The following SPON1 variants were observed in gnomAD, a reference collection of about 807,000 sequenced individuals.
SPON1 encodes spondin-1.
In SPON1, 52 loss-of-function variants were observed where a neutral mutation model predicts 111.7. That is an observed-to-expected ratio of 0.47 (90% confidence interval 0.37 to 0.59). The LOEUF (loss-of-function observed/expected upper bound fraction) is 0.59. Ranked by LOEUF, SPON1 falls within the 20% of genes least tolerant of loss-of-function variation. SPON1 has a pLI of 0.00. For synonymous variants in SPON1, 410 were observed against 395.8 expected, an observed-to-expected ratio of 1.04 and a Z score of -0.43; for missense variants, 957 against 1,068.5, an observed-to-expected ratio of 0.90 and a Z score of 1.46.
chr11:14,226,677 G>T (rs575621191), intron 6 of SPON1, among the ~76,000 whole-genome samples: 104 of 152,324 alleles, frequency 6.8e-4, no homozygotes, highest in Admixed American at 2.9e-3. Flanking sequence ...AATCAAAAAG[G>T]CAAGCAGGGC....
At chr11:14,239,865 CG>C (rs1848906735) in intron 6 of SPON1, among the ~76,000 whole-genome samples, 1 of 152,146 alleles carries the variant, frequency 6.6e-6, no homozygotes, top group African/African-American at 2.4e-5. Context: ...GATAGTATCC[CG>C]TGTGCCCTAA....
chr11:14,200,584 G>A (rs972771343), intron 6 of SPON1, among the ~76,000 whole-genome samples: 3 of 152,048 alleles, frequency 2.0e-5, no homozygotes, highest in African/African-American at 7.2e-5. Flanking sequence ...GAGAGGCAGA[G>A]GTGGACAGAT....
intron 3 of SPON1, among the ~76,000 whole-genome samples, chr11:14,060,079 T>G (rs2133822688): frequency 6.6e-6 from 1 of 152,324 alleles, no homozygotes; most frequent in African/African-American, 2.4e-5. Context: ...ATTTAGGGTT[T>G]GCAGAGCACC....
chr11:14,043,761 G>A (rs1564892282), intron 3 of SPON1, among the ~76,000 whole-genome samples: 2 of 152,150 alleles, frequency 1.3e-5, no homozygotes, highest in Non-Finnish European at 2.9e-5. Flanking sequence ...GATCTTTTTG[G>A]TGGAAGCCAG....
intron 5 of SPON1, among the ~76,000 whole-genome samples, chr11:14,090,735 A>G (rs1186097884): frequency 2.0e-5 from 3 of 150,640 alleles, no homozygotes; most frequent in African/African-American, 7.4e-5. Flanking sequence ...GATTTATTGC[A>G]AAGAGCAAAA....
chr11:14,160,295 T>A (rs1349232997), intron 6 of SPON1, among the ~76,000 whole-genome samples: 1 of 103,978 alleles, frequency 9.6e-6, no homozygotes, highest in African/African-American at 3.4e-5. Context: ...GTTGAAAATA[T>A]CACTAAGTCA....
intron 5 of SPON1, among the ~76,000 whole-genome samples, chr11:14,094,990 G>A (rs1849087295): frequency 6.6e-6 from 1 of 152,202 alleles, no homozygotes; most frequent in African/African-American, 2.4e-5. Flanking sequence ...TGGATGCGGA[G>A]GAGTAAGAGA....
At chr11:14,113,082 C>T (rs1029612014) in intron 5 of SPON1, among the ~76,000 whole-genome samples, 1 of 152,156 alleles carries the variant, frequency 6.6e-6, no homozygotes, top group South Asian at 2.1e-4. Context: ...CCTTTATTTC[C>T]CTCCAAGGGA....
intron 6 of SPON1, among the ~76,000 whole-genome samples, chr11:14,141,029 C>CCCCCCCCCCCCCCCCCCCA (rs71041572): frequency 7.6e-6 from 1 of 132,274 alleles, no homozygotes; most frequent in Non-Finnish European, 1.6e-5. Context: ...GTGCCCCCCC[C>CCCCCCCCCCCCCCCCCCCA]ATGCCCCACT....
intron 5 of SPON1, among the ~76,000 whole-genome samples, chr11:14,090,557 C>T (rs1271088999): frequency 1.3e-5 from 2 of 151,988 alleles, no homozygotes; most frequent in Non-Finnish European, 2.9e-5. Context: ...AGTGAAGCTG[C>T]AGACCTTTGT....
At chr11:14,221,427 G>A (rs1371508202) in intron 6 of SPON1, among the ~76,000 whole-genome samples, 1 of 152,164 alleles carries the variant, frequency 6.6e-6, no homozygotes, top group African/African-American at 2.4e-5. Context: ...CTCAAACCTA[G>A]GCCTGTCTTA....
At chr11:14,157,381 T>C (rs141206722) in intron 6 of SPON1, among the ~76,000 whole-genome samples, 15 of 152,336 alleles carry the variant, frequency 9.8e-5, no homozygotes, top group Admixed American at 9.8e-4. Context: ...GCTTTCATGA[T>C]TTCTGTTGAG....
chr11:13,996,724 T>TATATATACAC (rs569794197), intron 2 of SPON1, among the ~76,000 whole-genome samples: 1 of 151,926 alleles, frequency 6.6e-6, no homozygotes, highest in African/African-American at 2.4e-5. Context: ...TATATATATA[T>TATATATACAC]ACACACACAC....
intron 5 of SPON1, among the ~76,000 whole-genome samples, chr11:14,086,225 G>A (rs528368523): frequency 6.6e-6 from 1 of 152,210 alleles, no homozygotes; most frequent in South Asian, 2.1e-4. Flanking sequence ...TCTTGTGCTG[G>A]TTTTCAAGGG....
chr11:14,096,386 T>G (rs1554923872), intron 5 of SPON1, among the ~76,000 whole-genome samples: 2 of 152,202 alleles, frequency 1.3e-5, no homozygotes, highest in East Asian at 3.8e-4. Flanking sequence ...ACAGGTGTGT[T>G]TTTTAGGGAT....
At chr11:14,173,673 T>C (rs1016949666) in intron 6 of SPON1, among the ~76,000 whole-genome samples, 3 of 152,214 alleles carry the variant, frequency 2.0e-5, no homozygotes, top group Admixed American at 6.5e-5. Flanking sequence ...GGGTTTTTGG[T>C]GCAGATGTCC....
At chr11:14,192,583 A>C (rs369024091) in intron 6 of SPON1, among the ~76,000 whole-genome samples, 4 of 152,176 alleles carry the variant, frequency 2.6e-5, no homozygotes, top group African/African-American at 9.7e-5. Flanking sequence ...AAAGGGTGAC[A>C]GTGAGCTGTT....
intron 3 of SPON1, among the ~76,000 whole-genome samples, chr11:14,046,506 C>T: frequency 6.6e-6 from 1 of 152,108 alleles, no homozygotes; most frequent in East Asian, 1.9e-4. Context: ...TTATTCTTTC[C>T]TTGATGGGCT....
At chr11:14,157,264 T>C (rs1554930479) in intron 6 of SPON1, among the ~76,000 whole-genome samples, 1 of 152,208 alleles carries the variant, frequency 6.6e-6, no homozygotes, top group Non-Finnish European at 1.5e-5. Flanking sequence ...TCAGTTCTTA[T>C]TTATCTGAAA....
Sources: allele counts gnomAD v4.1 joint callset (sites outside exome capture counted in the v4.1 genomes callset), GRCh38; gene constraint gnomAD v4.1.1; transcripts MANE v1.5; gene names NCBI Gene and HGNC (gene_info 2026-07-23, HGNC 2026-07-21).